PCGF5: variants seen among roughly 807,000 people sequenced by gnomAD.
PCGF5 encodes the protein polycomb group ring finger 5.
A neutral mutation model predicts 44.3 loss-of-function variants in PCGF5; 9 were observed. The observed-to-expected ratio is 0.20, with a 90% CI of 0.12 to 0.35. The LOEUF is 0.35. Among genes scored for constraint, PCGF5 ranks in the 10% least tolerant of loss-of-function variants. PCGF5 has a pLI of 1.00. For missense variants in PCGF5, 146 were observed against 305.3 expected (o/e 0.48, Z 3.89); for synonymous variants, 95 against 102.5 (o/e 0.93, Z 0.44).
chr10:91,202,938 T>C (rs935799690), intron 1 of PCGF5, among the ~76,000 whole-genome samples: 4 of 152,226 alleles, frequency 2.6e-5, no homozygotes, highest in Non-Finnish European at 5.9e-5. Flanking sequence ...TAAAGAAATG[T>C]GTTTGTGAAA....
the PCGF5 span, among the ~76,000 whole-genome samples, chr10:91,156,337 A>G: frequency 2.0e-5 from 3 of 152,220 alleles, no homozygotes; most frequent in African/African-American, 7.2e-5. Flanking sequence ...GAAGATGGTT[A>G]GATAAGACCA....
chr10:91,232,639 A>C (rs1845042668), intron 2 of PCGF5, among the ~76,000 whole-genome samples: 1 of 152,212 alleles, frequency 6.6e-6, no homozygotes, highest in Admixed American at 6.5e-5. Flanking sequence ...AGGGCAGAGG[A>C]TGGCTTTAGA....
At chr10:91,172,601 G>C (rs1247626075) in intron 1 of PCGF5, among the ~76,000 whole-genome samples, 1 of 152,190 alleles carries the variant, frequency 6.6e-6, no homozygotes, top group African/African-American at 2.4e-5. Flanking sequence ...GAATGGATGG[G>C]TCATCTCTCT....
In PCGF5 at chr10:91,283,386, T is replaced by G. The variant is rs1174811031; in HGVS notation, c.*5070T>G. 1.3e-5 allele frequency: 2 copies of G among 152,242 alleles called. No individual in the cohort carries two copies. Among genetic ancestry groups the G allele is most frequent in the Non-Finnish European group, 2.9e-5 (2 of 68,036 alleles). The allele number at this position is 152,242 out of a possible 1,614,324, so 9.4% of individuals were successfully genotyped here. On this transcript the variant is annotated 3_prime_UTR_variant, in exon 10 of 10. Coordinates refer to ENST00000336126, the MANE Select transcript of PCGF5 (RefSeq NM_032373.5). Reference sequence around the variant, plus strand: ...ATTTTTCAGAGATTTTTAACTTTAATAATTTTAAATCTAGAATCAAGTGAA... The same window carrying G: ...ATTTTTCAGAGATTTTTAACTTTAAGAATTTTAAATCTAGAATCAAGTGAA...
intron 6 of PCGF5, among the ~76,000 whole-genome samples, chr10:91,260,404 AT>A (rs1232321115): frequency 1.3e-5 from 2 of 152,208 alleles, no homozygotes; most frequent in Admixed American, 6.5e-5. Flanking sequence ...CGATGTGGCG[AT>A]TCTTCAGGGA....
chr10:91,240,413 A>G, intron 2 of PCGF5, 71 bp from the exon 3 acceptor site: 2 of 994,322 alleles, frequency 2.0e-6, no homozygotes, highest in Non-Finnish European at 3.0e-6. Flanking sequence ...TCTGTTTCTA[A>G]TTACACTTAG....
intron 8 of PCGF5, among the ~76,000 whole-genome samples, chr10:91,269,503 T>G (rs925016218): frequency 6.6e-6 from 1 of 152,210 alleles, no homozygotes; most frequent in Non-Finnish European, 1.5e-5. Flanking sequence ...ATAATTTGAT[T>G]AACACACCCC....
In PCGF5 at chr10:91,266,561, G is replaced by C. The variant is rs1203264865; in HGVS notation, c.663+2041G>C. On this transcript the variant is annotated intron_variant, in intron 8 of 9. Coordinates refer to ENST00000336126, the MANE Select transcript of PCGF5 (RefSeq NM_032373.5). ...CAGGTGGAAACTAAACCAATAAACAGAAAAATTACTACCTTTTACATTTAG... is the reference window on the plus strand; with the variant it reads ...CAGGTGGAAACTAAACCAATAAACACAAAAATTACTACCTTTTACATTTAG... Among the ~76,000 whole-genome samples, 5 of 152,126 alleles carry C rather than the reference G, an allele frequency of 3.3e-5. No homozygotes were observed. In the East Asian group the frequency reaches 9.6e-4, roughly 29 times the overall value.
chr10:91,264,319 G>A (rs557640292), intron 7 of PCGF5, 112 bp from the exon 8 acceptor site: 1 of 795,544 alleles, frequency 1.3e-6, no homozygotes, highest in African/African-American at 1.8e-5. Context: ...TTAAAATAAT[G>A]GATAATACTT....
At chr10:91,264,318 T>C in intron 7 of PCGF5, 113 bp from the exon 8 acceptor site, 6 of 784,000 alleles carry the variant, frequency 7.7e-6, no homozygotes, top group Non-Finnish European at 1.2e-5. Context: ...TTTAAAATAA[T>C]GGATAATACT....
intron 2 of PCGF5, among the ~76,000 whole-genome samples, chr10:91,237,212 A>G (rs1845188629): frequency 6.6e-6 from 1 of 152,224 alleles, no homozygotes. Flanking sequence ...TATGTTGATT[A>G]GGACATACAT....
In PCGF5 at chr10:91,277,253, A is replaced by C. The variant is rs140049332; in HGVS notation, c.724-1016A>C. ...TGAAATGGTCATTTTCAGGATTGTTAAATCTCAGTCTAGCCCTTTTATCTA... is the reference window on the plus strand; with the variant it reads ...TGAAATGGTCATTTTCAGGATTGTTCAATCTCAGTCTAGCCCTTTTATCTA... On this transcript the variant is annotated intron_variant, in intron 9 of 9. Transcript: ENST00000336126. 1.5e-3 allele frequency among the ~76,000 whole-genome samples: 224 copies of C among 152,344 alleles called. 2 individuals are homozygous for C. The highest frequency in any genetic ancestry group is 4.3e-3 in the South Asian group (21 of 4,834).
intron 1 of PCGF5, among the ~76,000 whole-genome samples, chr10:91,221,078 C>T (rs12772334): frequency 6.6e-6 from 1 of 151,256 alleles, no homozygotes; most frequent in Admixed American, 6.6e-5. Flanking sequence ...TCTCCCCGGC[C>T]TGAGCAGCGC....
intron 1 of PCGF5, among the ~76,000 whole-genome samples, chr10:91,163,856 G>A (rs1371769262): frequency 1.3e-5 from 2 of 152,094 alleles, no homozygotes; most frequent in East Asian, 1.9e-4. Context: ...GGGGGGCACG[G>A]ACGGACGTGC....
intron 1 of PCGF5, among the ~76,000 whole-genome samples, chr10:91,172,559 G>T (rs1348535305): frequency 6.6e-5 from 10 of 152,216 alleles, no homozygotes. Context: ...CCACATCTGT[G>T]TGGAATAGTA....
chr10:91,235,377 T>G (rs1301992153), intron 2 of PCGF5, among the ~76,000 whole-genome samples: 1 of 152,178 alleles, frequency 6.6e-6, no homozygotes, highest in South Asian at 2.1e-4. Context: ...GGGAATTCAC[T>G]TAGTAAACAT....
chr10:91,213,060 A>G (rs1252543705), intron 1 of PCGF5, among the ~76,000 whole-genome samples: 2 of 152,200 alleles, frequency 1.3e-5, no homozygotes, highest in African/African-American at 4.8e-5. Flanking sequence ...AATATTATAG[A>G]TGTTTCCATA....
At chr10:91,189,878 G>A (rs1844000600) in intron 1 of PCGF5, among the ~76,000 whole-genome samples, 1 of 152,142 alleles carries the variant, frequency 6.6e-6, no homozygotes, top group Admixed American at 6.5e-5. Context: ...GTTTTGAAAG[G>A]TTTTCCTCAA....
chr10:91,263,039 T>C (rs1222163446), intron 7 of PCGF5, among the ~76,000 whole-genome samples: 1 of 152,196 alleles, frequency 6.6e-6, no homozygotes, highest in Non-Finnish European at 1.5e-5. Flanking sequence ...GGGGGAGAGA[T>C]TCAGTACGCT....
Sources: gnomAD v4.1 joint callset for allele counts (sites outside exome capture counted in the v4.1 genomes callset) on GRCh38, gnomAD v4.1.1 for gene constraint, MANE v1.5 for transcripts, NCBI Gene and HGNC (gene_info 2026-07-23, HGNC 2026-07-21) for gene names.